The following DPP6 variants were observed in gnomAD, a reference collection of about 807,000 sequenced individuals.
The protein encoded by DPP6 is dipeptidyl peptidase like 6.
A neutral mutation model predicts 122.6 loss-of-function variants in DPP6; 69 were observed. That is an observed-to-expected ratio of 0.56 (90% confidence interval 0.46 to 0.69). The LOEUF (loss-of-function observed/expected upper bound fraction) is 0.69. Among genes scored for constraint, DPP6 ranks in the 30% least tolerant of loss-of-function variants. The pLI is 0.00. For synonymous variants in DPP6, 418 were observed against 433.1 expected, an observed-to-expected ratio of 0.97 and a Z score of 0.43; for missense variants, 928 against 1,116.9, an observed-to-expected ratio of 0.83 and a Z score of 2.41.
intron 4 of DPP6, among the ~76,000 whole-genome samples, chr7:154,554,463 C>A (rs1829872076): frequency 6.6e-6 from 1 of 151,952 alleles, no homozygotes; most frequent in Non-Finnish European, 1.5e-5. Flanking sequence ...AAATTGGGGG[C>A]ATTCTATCAT....
intron 2 of DPP6, among the ~76,000 whole-genome samples, chr7:154,462,699 T>G (rs1489272304): frequency 6.6e-6 from 1 of 152,138 alleles, no homozygotes; most frequent in Admixed American, 6.5e-5. Context: ...GTGCACAACG[T>G]GCAGGTTTGT....
chr7:154,070,432 A>G (rs948715652), intron 1 of DPP6, among the ~76,000 whole-genome samples: 2 of 152,150 alleles, frequency 1.3e-5, no homozygotes, highest in Non-Finnish European at 2.9e-5. Flanking sequence ...TTATTTTATG[A>G]CATTTTTGTT....
chr7:154,710,078 T>C (rs1841084468), intron 7 of DPP6, among the ~76,000 whole-genome samples: 1 of 152,102 alleles, frequency 6.6e-6, no homozygotes, highest in Non-Finnish European at 1.5e-5. Flanking sequence ...AATGCTGCTG[T>C]CCCCCCAACC....
At chr7:153,916,025 GGC>G (rs1434183481) in intron 1 of DPP6, among the ~76,000 whole-genome samples, 1 of 151,890 alleles carries the variant, frequency 6.6e-6, no homozygotes, top group African/African-American at 2.4e-5. Flanking sequence ...GGAGTGCAGT[GGC>G]GCGATCTCTG....
chr7:154,795,784 CAAAAAAAAAA>C (rs376336221), intron 11 of DPP6, 51 bp from the exon 12 acceptor site: 1 of 1,176,272 alleles, frequency 8.5e-7, no homozygotes, highest in Non-Finnish European at 1.1e-6. Flanking sequence ...ACAATACATG[CAAAAAAAAAA>C]AAGAAAAGAA....
chr7:153,884,987 A>T (rs200639543), upstream of DPP6, among the ~76,000 whole-genome samples: 8 of 116,458 alleles, frequency 6.9e-5, no homozygotes, highest in East Asian at 5.5e-4. Context: ...TCAAAACAAA[A>T]ATATATATAT....
At chr7:154,073,922 G>A (rs1803314649) in intron 1 of DPP6, among the ~76,000 whole-genome samples, 1 of 152,216 alleles carries the variant, frequency 6.6e-6, no homozygotes, top group South Asian at 2.1e-4. Flanking sequence ...GGAGGAGGAG[G>A]TTGCAGTGAG....
intron 1 of DPP6, among the ~76,000 whole-genome samples, chr7:154,430,631 G>A (rs907572818): frequency 1.3e-5 from 2 of 152,148 alleles, no homozygotes; most frequent in African/African-American, 4.8e-5. Flanking sequence ...TCAGCCCATA[G>A]CACTTCCCCA....
chr7:154,454,910 T>C (rs1820694605), intron 2 of DPP6, among the ~76,000 whole-genome samples: 1 of 152,194 alleles, frequency 6.6e-6, no homozygotes, highest in South Asian at 2.1e-4. Flanking sequence ...TGTTAAAGTT[T>C]GTCAGCCAAA....
At chr7:153,877,388 TTATTA>T in the DPP6 span, among the ~76,000 whole-genome samples, 2 of 152,102 alleles carry the variant, frequency 1.3e-5, no homozygotes, top group Admixed American at 6.6e-5. Context: ...AATTTTGTGT[TTATTA>T]TTATCAAACA....
intron 1 of DPP6, among the ~76,000 whole-genome samples, chr7:153,893,039 T>C (rs1302303166): frequency 6.6e-6 from 1 of 152,170 alleles, no homozygotes; most frequent in Non-Finnish European, 1.5e-5. Flanking sequence ...TAAACATGTT[T>C]ATGGCCCATT....
chr7:154,832,550 A>T (rs1416477744), intron 16 of DPP6, among the ~76,000 whole-genome samples: 2 of 151,614 alleles, frequency 1.3e-5, no homozygotes, highest in East Asian at 3.9e-4. Context: ...ATATTAAGAC[A>T]CTCGTTACGT....
chr7:154,585,598 G>A (rs1222623185), intron 5 of DPP6, among the ~76,000 whole-genome samples: 3 of 152,174 alleles, frequency 2.0e-5, no homozygotes, highest in African/African-American at 7.2e-5. Context: ...AAATAGTGTA[G>A]TATTTCCCTA....
At chr7:154,883,052 C>T (rs1189817116) in intron 21 of DPP6, among the ~76,000 whole-genome samples, 1 of 71,636 alleles carries the variant, frequency 1.4e-5, no homozygotes, top group Non-Finnish European at 2.8e-5. Flanking sequence ...CACACACATG[C>T]TCACACATTC....
intron 1 of DPP6, among the ~76,000 whole-genome samples, chr7:154,228,308 C>T (rs1800726461): frequency 6.6e-6 from 1 of 152,144 alleles, no homozygotes; most frequent in Non-Finnish European, 1.5e-5. Flanking sequence ...CCATTCTTTC[C>T]TTCTGCAAGG....
chr7:154,217,352 C>T (rs1315088125), intron 1 of DPP6, among the ~76,000 whole-genome samples: 1 of 152,092 alleles, frequency 6.6e-6, no homozygotes, highest in East Asian at 1.9e-4. Context: ...TGCATGGAAG[C>T]ACAAATCATT....
the DPP6 span, among the ~76,000 whole-genome samples, chr7:153,776,868 C>G: frequency 6.6e-6 from 1 of 152,202 alleles, no homozygotes; most frequent in Non-Finnish European, 1.5e-5. Context: ...GATACAACAT[C>G]AAAAGCAATA....
chr7:153,956,705 G>C (rs1802477419), intron 1 of DPP6, among the ~76,000 whole-genome samples: 1 of 152,194 alleles, frequency 6.6e-6, no homozygotes, highest in South Asian at 2.1e-4. Context: ...TCATTGGGCA[G>C]ATTTCTGAAG....
rs747327445 is a variant in DPP6 at position 154,424,273 on chromosome 7, G to A, written c.244-21941G>A. Among the ~76,000 whole-genome samples the A allele has an allele frequency of 1.1e-3, 164 of 152,150 alleles. 4 individuals carry two copies. The highest frequency in any genetic ancestry group is 5.2e-4 in the Admixed American group (8 of 15,278). Reference sequence around the variant, plus strand: ...GGTGATGTATTTGTTTTCGCTTATTGCTGTTACAAATTACCACAAACTTAG... The same window carrying A: ...GGTGATGTATTTGTTTTCGCTTATTACTGTTACAAATTACCACAAACTTAG... On this transcript the variant is annotated intron_variant, in intron 1 of 25. Coordinates refer to ENST00000377770, the MANE Select transcript of DPP6 (RefSeq NM_130797.4).
Sources: allele counts gnomAD v4.1 joint callset (sites outside exome capture counted in the v4.1 genomes callset), GRCh38; gene constraint gnomAD v4.1.1; transcripts MANE v1.5; gene names NCBI Gene and HGNC (gene_info 2026-07-23, HGNC 2026-07-21).